The following STXBP6 variants were observed in gnomAD, a reference collection of about 807,000 sequenced individuals.
STXBP6 encodes the protein syntaxin-binding protein 6.
A neutral mutation model predicts 26.9 loss-of-function variants in STXBP6; 21 were observed. The ratio of observed to expected loss-of-function variants is 0.78; its 90% confidence interval spans 0.55 to 1.12. The LOEUF (loss-of-function observed/expected upper bound fraction) is 1.12. STXBP6 is among the 50% of genes most tolerant of loss of function. The pLI is 0.00. For missense variants in STXBP6, 232 were observed against 257.9 expected (o/e 0.90, Z 0.69); for synonymous variants, 97 against 92.6 (o/e 1.05, Z -0.27).
rs931020923 is a variant in STXBP6, at chr14:24,911,863, T to C, written c.155-54706A>G. Among the ~76,000 whole-genome samples, 3 of 152,222 alleles carry C rather than the reference T, an allele frequency of 2.0e-5. No homozygotes were observed. In the East Asian group the frequency reaches 5.8e-4, roughly 29 times the overall value. ...CATTTGTGTACATGTTTACAAACCC[T>C]TTTTTAAATTGAAATCAGCCTCTCT... On this transcript the variant is annotated intron_variant, in intron 2 of 5. Coordinates refer to ENST00000323944, the MANE Select transcript of STXBP6 (RefSeq NM_001394410.1).
chr14:24,905,136 C>T (rs2071343792), intron 2 of STXBP6, among the ~76,000 whole-genome samples: 1 of 152,046 alleles, frequency 6.6e-6, no homozygotes, highest in Non-Finnish European at 1.5e-5. Flanking sequence ...CACTGGAGAC[C>T]AGAAGAGGGA....
intron 2 of STXBP6, among the ~76,000 whole-genome samples, chr14:24,932,003 G>T (rs909895298): frequency 1.3e-5 from 2 of 152,178 alleles, no homozygotes; most frequent in Non-Finnish European, 2.9e-5. Flanking sequence ...AGGCGATAAA[G>T]GGTAAGAGAG....
intron 2 of STXBP6, among the ~76,000 whole-genome samples, chr14:24,903,927 T>C (rs2071298784): frequency 6.6e-6 from 1 of 152,220 alleles, no homozygotes; most frequent in South Asian, 2.1e-4. Context: ...ATCTTTCTGA[T>C]TCTGCTCCTC....
chr14:24,926,059 T>C (rs2139849439), intron 2 of STXBP6, among the ~76,000 whole-genome samples: 1 of 152,336 alleles, frequency 6.6e-6, no homozygotes, highest in Non-Finnish European at 1.5e-5. Context: ...GTGAGGATTC[T>C]GACATGTTCC....
intron 2 of STXBP6, among the ~76,000 whole-genome samples, chr14:24,882,927 T>C (rs1396136419): frequency 6.6e-6 from 1 of 152,194 alleles, no homozygotes; most frequent in Non-Finnish European, 1.5e-5. Context: ...GAGAAAATAA[T>C]AGTGAATGTG....
At chr14:24,988,576 G>C (rs1269661808) in intron 1 of STXBP6, among the ~76,000 whole-genome samples, 1 of 152,186 alleles carries the variant, frequency 6.6e-6, no homozygotes, top group Non-Finnish European at 1.5e-5. Context: ...AGGTAGATCT[G>C]CTTCAAGAAA....
intron 2 of STXBP6, among the ~76,000 whole-genome samples, chr14:24,925,412 G>C (rs899689065): frequency 6.6e-6 from 1 of 152,186 alleles, no homozygotes; most frequent in Non-Finnish European, 1.5e-5. Context: ...AGTAATTACA[G>C]AGGCAAAACA....
chr14:24,999,460 T>C (rs1357125072), intron 1 of STXBP6, among the ~76,000 whole-genome samples: 1 of 152,212 alleles, frequency 6.6e-6, no homozygotes, highest in African/African-American at 2.4e-5. Flanking sequence ...TCCATGCTAT[T>C]ATCTAGGATA....
chr14:24,900,442 G>T (rs1431009425), intron 2 of STXBP6, among the ~76,000 whole-genome samples: 1 of 152,198 alleles, frequency 6.6e-6, no homozygotes, highest in Non-Finnish European at 1.5e-5. Context: ...CCAACAGCAA[G>T]AAAGAAGCTC....
At chr14:24,989,281 G>C (rs1183304069) in intron 1 of STXBP6, among the ~76,000 whole-genome samples, 2 of 152,206 alleles carry the variant, frequency 1.3e-5, no homozygotes, top group African/African-American at 4.8e-5. Context: ...TGAGGATACA[G>C]AAGCTGGTGT....
intron 4 of STXBP6, among the ~76,000 whole-genome samples, chr14:24,832,043 A>T (rs2068469596): frequency 6.6e-6 from 1 of 152,150 alleles, no homozygotes; most frequent in Admixed American, 6.5e-5. Context: ...AATTAAAAAA[A>T]ATATATGGAA....
In STXBP6 at chr14:25,018,309, A is replaced by AC. The variant is rs536011352; in HGVS notation, c.-33+31568dup. On this transcript the variant is annotated intron_variant, in intron 1 of 5. Coordinates refer to ENST00000323944, the MANE Select transcript of STXBP6 (RefSeq NM_001394410.1). ...CCAGGCCTAGGCAGCAATGCACTAG[A>AC]CCCCCCTAGTTCCCACAGAGTGATC... Among the ~76,000 whole-genome samples, 50 of 152,068 alleles carry AC rather than the reference A, an allele frequency of 3.3e-4. No homozygotes were observed. In the East Asian group the frequency reaches 8.7e-3, roughly 26 times the overall value.
chr14:24,885,037 T>C (rs1039872481), intron 2 of STXBP6, among the ~76,000 whole-genome samples: 1 of 152,170 alleles, frequency 6.6e-6, no homozygotes, highest in Non-Finnish European at 1.5e-5. Context: ...TGTTCTGGCC[T>C]AGCCATGAAA....
At chr14:24,876,553 C>T (rs1217520309) in intron 2 of STXBP6, among the ~76,000 whole-genome samples, 2 of 152,154 alleles carry the variant, frequency 1.3e-5, no homozygotes, top group East Asian at 3.9e-4. Context: ...TATGGGGCAG[C>T]ACAAGGGGTT....
intron 2 of STXBP6, among the ~76,000 whole-genome samples, chr14:24,896,036 G>A (rs549862189): frequency 3.3e-5 from 5 of 152,088 alleles, no homozygotes; most frequent in Non-Finnish European, 4.4e-5. Flanking sequence ...GCTGGAGTAC[G>A]GGCTACAAGA....
At chr14:25,004,788 T>A (rs1387109261) in intron 1 of STXBP6, among the ~76,000 whole-genome samples, 1 of 152,092 alleles carries the variant, frequency 6.6e-6, no homozygotes, top group African/African-American at 2.4e-5. Context: ...TTCCCTAGAT[T>A]CTACACTCAG....
At chr14:24,835,264 ATCT>A (rs535652894) in intron 4 of STXBP6, among the ~76,000 whole-genome samples, 21 of 152,200 alleles carry the variant, frequency 1.4e-4, no homozygotes, top group Non-Finnish European at 2.8e-4. Flanking sequence ...AAACTCACAG[ATCT>A]TCTTCGAGTG....
At chr14:24,884,203 G>C (rs1372184300) in intron 2 of STXBP6, among the ~76,000 whole-genome samples, 1 of 152,168 alleles carries the variant, frequency 6.6e-6, no homozygotes, top group Non-Finnish European at 1.5e-5. Context: ...ACTGGCTGCA[G>C]ACTAATCTAA....
chr14:24,993,394 G>A lies in STXBP6; in HGVS notation c.-32-18544C>T, dbSNP rs191606096. 3.3e-5 allele frequency among the ~76,000 whole-genome samples: 5 copies of A among 152,160 alleles called. No individual in the cohort carries two copies. The East Asian group carries it at 7.7e-4, about 24-fold the overall frequency. On this transcript the variant is annotated intron_variant, in intron 1 of 5. Coordinates refer to ENST00000323944, the MANE Select transcript of STXBP6 (RefSeq NM_001394410.1). ...TCCCTCACAGGAAATTACCAATTCTGTTCAACTCTACTTTCTAAATCCCTC... is the reference window on the plus strand; with the variant it reads ...TCCCTCACAGGAAATTACCAATTCTATTCAACTCTACTTTCTAAATCCCTC...
Sources: allele counts gnomAD v4.1 joint callset (sites outside exome capture counted in the v4.1 genomes callset), GRCh38; gene constraint gnomAD v4.1.1; transcripts MANE v1.5; gene names NCBI Gene and HGNC (gene_info 2026-07-23, HGNC 2026-07-21).